SASH1: variants seen among roughly 807,000 people sequenced by gnomAD.
The protein encoded by SASH1 is SAM and SH3 domain containing 1.
A neutral mutation model predicts 125.2 loss-of-function variants in SASH1; 44 were observed. The ratio of observed to expected loss-of-function variants is 0.35; its 90% CI spans 0.28 to 0.45. SASH1 has a LOEUF of 0.45. Ranked by LOEUF, SASH1 falls within the 20% of genes least tolerant of loss-of-function variation. The pLI, the probability that SASH1 is intolerant of heterozygous loss-of-function variation, is 1.00. For synonymous variants in SASH1, 639 were observed against 649.1 expected, an observed-to-expected ratio of 0.98 and a Z score of 0.24; for missense variants, 1,426 against 1,614.5, an observed-to-expected ratio of 0.88 and a Z score of 2.00.
At chr6:148,243,480 T>C in the SASH1 span, among the ~76,000 whole-genome samples, 1 of 137,826 alleles carries the variant, frequency 7.3e-6, no homozygotes. Flanking sequence ...ATAATAATAA[T>C]AGTAAAACAA....
upstream of SASH1, among the ~76,000 whole-genome samples, chr6:148,268,099 GAACTTTCTAGTTCAGGA>G (rs536691982): frequency 2.6e-5 from 4 of 152,252 alleles, no homozygotes; most frequent in South Asian, 6.2e-4. Context: ...TTTAGTTCCT[GAACTTTCTAGTTCAGGA>G]AATTTTGACT....
At chr6:148,246,349 C>T in the SASH1 span, among the ~76,000 whole-genome samples, 17 of 152,118 alleles carry the variant, frequency 1.1e-4, no homozygotes, top group East Asian at 7.7e-4. Flanking sequence ...AACTTCAGCC[C>T]GAAAATTTTA....
intron 1 of SASH1, among the ~76,000 whole-genome samples, chr6:148,388,946 G>T (rs535322849): frequency 6.6e-6 from 1 of 150,874 alleles, no homozygotes; most frequent in South Asian, 2.1e-4. Context: ...AGAGCAGAAT[G>T]TTGGGAGGTT....
At chr6:148,307,029 TTTCTTTC>T (rs796220494) in intron 1 of SASH1, among the ~76,000 whole-genome samples, 2,082 of 29,334 alleles carry the variant, frequency 0.071, 26 homozygotes, top group Middle Eastern at 0.086. Flanking sequence ...CTTTCTTTTC[TTTCTTTC>T]TTTCTTTCTT....
chr6:148,510,705 A>T (rs1217750003), intron 8 of SASH1, among the ~76,000 whole-genome samples: 1 of 152,138 alleles, frequency 6.6e-6, no homozygotes, highest in Non-Finnish European at 1.5e-5. Context: ...CTGAATAAAA[A>T]GACATGCTGG....
intron 1 of SASH1, among the ~76,000 whole-genome samples, chr6:148,274,749 T>C (rs1028918690): frequency 1.3e-5 from 2 of 152,206 alleles, no homozygotes; most frequent in Non-Finnish European, 2.9e-5. Flanking sequence ...CTGATTAATT[T>C]ATCAACCTCA....
In SASH1 at chr6:148,482,398, TAATG is replaced by T. The variant is rs1175569720; in HGVS notation, c.628-5215_628-5212del. 2.6e-5 allele frequency among the ~76,000 whole-genome samples: 4 copies of T among 152,220 alleles called. No homozygotes were observed. The East Asian group carries it at 7.7e-4, about 29-fold the overall frequency. On this transcript the variant is annotated intron_variant, in intron 7 of 19. Transcript: ENST00000367467. ...CAATAAGTATTACACATTGATCTGA[TAATG>T]TATGTATGTGAGTCCAACAAGACCA...
chr6:148,515,537 C>T (rs1423454966), intron 9 of SASH1, among the ~76,000 whole-genome samples: 4 of 151,972 alleles, frequency 2.6e-5, no homozygotes, highest in Non-Finnish European at 5.9e-5. Context: ...AATGGGGATT[C>T]GAATGGAAAA....
chr6:148,324,118 CA>C (rs56950339), intron 1 of SASH1, among the ~76,000 whole-genome samples: 7 of 59,442 alleles, frequency 1.2e-4, no homozygotes, highest in South Asian at 9.7e-4. Flanking sequence ...GAATCTGTCT[CA>C]AAAAAAAAAA....
At position 148,403,484 on chromosome 6, in the gene SASH1, C is replaced by T. The variant is rs551186763; in HGVS notation, c.285+13222C>T. On this transcript the variant is annotated intron_variant, in intron 2 of 19. Coordinates refer to ENST00000367467, the MANE Select transcript of SASH1 (RefSeq NM_015278.5). ...TAAAAATTCCACAGTAGAATTGTAA[C>T]GTCTCTTAATACCCAGGTCTCAAAG... is the stretch of plus-strand genomic sequence containing the variant. 1.1e-4 allele frequency among the ~76,000 whole-genome samples: 16 copies of T among 152,218 alleles called. 1 individual carries two copies. Among genetic ancestry groups the T allele is most frequent in the Middle Eastern group, 3.4e-3 (1 of 294 alleles).
In SASH1 at chr6:148,479,194, G is replaced by A. The variant is rs542251035; in HGVS notation, c.627+4972G>A. ...CTCCCAAGTAGCTGGGATTATAGGC[G>A]CCTGCCACCACGCCCGGCTAATTTT... On this transcript the variant is annotated intron_variant, in intron 7 of 19. Coordinates refer to ENST00000367467, the MANE Select transcript of SASH1 (RefSeq NM_015278.5). 2.2e-4 allele frequency among the ~76,000 whole-genome samples: 33 copies of A among 151,882 alleles called. 2 individuals are homozygous for A. In the South Asian group the frequency reaches 5.9e-3, roughly 27 times the overall value.
At chr6:148,244,395 C>T in the SASH1 span, among the ~76,000 whole-genome samples, 11 of 152,164 alleles carry the variant, frequency 7.2e-5, no homozygotes, top group Admixed American at 5.2e-4. Context: ...TTTCCCATGG[C>T]CTCAACAAGA....
At chr6:148,312,745 C>T (rs531494651) in intron 1 of SASH1, among the ~76,000 whole-genome samples, 26 of 152,254 alleles carry the variant, frequency 1.7e-4, no homozygotes, top group African/African-American at 4.6e-4. Context: ...ATTTACTCTA[C>T]GCTAGGTTTT....
intron 1 of SASH1, among the ~76,000 whole-genome samples, chr6:148,377,181 A>G (rs1160680751): frequency 1.6e-5 from 1 of 63,808 alleles, no homozygotes; most frequent in Non-Finnish European, 3.3e-5. Flanking sequence ...AAAAAAAAAA[A>G]AACAAAAAAA....
At position 148,495,194 on chromosome 6, in the gene SASH1, GT is replaced by G. The variant is rs1779262635; in HGVS notation, c.729+7480del. On this transcript the variant is annotated intron_variant, in intron 8 of 19. Coordinates refer to ENST00000367467, the MANE Select transcript of SASH1 (RefSeq NM_015278.5). The surrounding 1 kb of genome is among the most constrained non-coding windows in gnomAD (Gnocchi z 4.0). ...CAGAAGTTCCTTTTAAGTGGTTCTTGTGGCAAATGGCTTAATTTCCATTATG... is the reference window on the plus strand; with the variant it reads ...CAGAAGTTCCTTTTAAGTGGTTCTTGGGCAAATGGCTTAATTTCCATTATG... Among the ~76,000 whole-genome samples, 1 of 152,238 alleles carries G rather than the reference GT, an allele frequency of 6.6e-6. No homozygotes were observed. The highest frequency in any genetic ancestry group is 6.5e-5 in the Admixed American group (1 of 15,286).
At chr6:148,204,389 T>C in the SASH1 span, among the ~76,000 whole-genome samples, 1 of 151,390 alleles carries the variant, frequency 6.6e-6, no homozygotes, top group African/African-American at 2.4e-5. Context: ...AAGTTGGAGG[T>C]TTTTGAAAGA....
At chr6:148,468,332 C>A (rs922231373) in intron 4 of SASH1, among the ~76,000 whole-genome samples, 1 of 152,184 alleles carries the variant, frequency 6.6e-6, no homozygotes, top group Non-Finnish European at 1.5e-5. Flanking sequence ...GTCTCACCTT[C>A]GAGTGAGTCT....
At chr6:148,358,503 G>T (rs1223511875) in intron 1 of SASH1, among the ~76,000 whole-genome samples, 1 of 152,142 alleles carries the variant, frequency 6.6e-6, no homozygotes, top group Non-Finnish European at 1.5e-5. Context: ...TCCCAGGAGG[G>T]TCTGTTTCAA....
chr6:148,440,106 C>G (rs1776480391), intron 2 of SASH1, 78 bp from the exon 3 acceptor site: 1 of 1,386,260 alleles, frequency 7.2e-7, no homozygotes, highest in South Asian at 1.2e-5. Context: ...CCTCCCCTCT[C>G]TTCTTACATG....
Sources: gnomAD v4.1 joint callset for allele counts (sites outside exome capture counted in the v4.1 genomes callset) on GRCh38, gnomAD v4.1.1 for gene constraint, Gnocchi (gnomAD v3.1) non-coding constraint, MANE v1.5 for transcripts, NCBI Gene and HGNC (gene_info 2026-07-23, HGNC 2026-07-21) for gene names.